NRG3: variants seen among roughly 807,000 people sequenced by gnomAD.
NRG3 encodes neuregulin 3, also known as pro-neuregulin-3, membrane-bound isoform.
A neutral mutation model predicts 66.9 loss-of-function variants in NRG3; 31 were observed. The observed-to-expected ratio is 0.46, with a 90% confidence interval of 0.35 to 0.63. NRG3 has a LOEUF of 0.63. Among genes scored for constraint, NRG3 ranks in the 20% least tolerant of loss-of-function variants. The pLI is 0.00. For missense variants in NRG3, 910 were observed against 878.9 expected, an observed-to-expected ratio of 1.04 and a Z score of -0.45; for synonymous variants, 393 against 359.4, an observed-to-expected ratio of 1.09 and a Z score of -1.06.
At chr10:82,434,426 C>T (rs953424393) in intron 2 of NRG3, among the ~76,000 whole-genome samples, 7 of 151,888 alleles carry the variant, frequency 4.6e-5, no homozygotes, top group South Asian at 4.1e-4. Flanking sequence ...TGTTCCTATT[C>T]GAATACTCTT....
chr10:82,551,577 C>G (rs2044307058), intron 2 of NRG3, among the ~76,000 whole-genome samples: 1 of 149,172 alleles, frequency 6.7e-6, no homozygotes, highest in Admixed American at 6.8e-5. Context: ...GTATCAAGGT[C>G]TAAGTTTTTA....
chr10:82,538,415 A>G (rs1406142320), intron 2 of NRG3, among the ~76,000 whole-genome samples: 2 of 152,180 alleles, frequency 1.3e-5, no homozygotes, highest in Non-Finnish European at 2.9e-5. Context: ...ACAAAACAAA[A>G]CAAAACAGCA....
At chr10:81,902,125 T>C (rs1844138034) in intron 1 of NRG3, among the ~76,000 whole-genome samples, 1 of 152,218 alleles carries the variant, frequency 6.6e-6, no homozygotes, top group Non-Finnish European at 1.5e-5. Context: ...CTCATTGTTC[T>C]CTCTATAATT....
intron 1 of NRG3, among the ~76,000 whole-genome samples, chr10:82,139,863 A>G (rs146700633): frequency 6.6e-6 from 1 of 151,988 alleles, no homozygotes; most frequent in Admixed American, 6.6e-5. Context: ...GGCAGTGTAC[A>G]ACTATCAGAA....
At chr10:82,594,671 T>C (rs537185915) in intron 2 of NRG3, among the ~76,000 whole-genome samples, 2 of 152,318 alleles carry the variant, frequency 1.3e-5, no homozygotes, top group South Asian at 4.1e-4. Flanking sequence ...TACAATTATT[T>C]CCTACATCTA....
intron 2 of NRG3, among the ~76,000 whole-genome samples, chr10:82,684,654 T>C (rs2054368800): frequency 6.6e-6 from 1 of 152,174 alleles, no homozygotes; most frequent in Non-Finnish European, 1.5e-5. Flanking sequence ...AACTCTTGAA[T>C]ATATTCTTTG....
intron 4 of NRG3, among the ~76,000 whole-genome samples, chr10:82,927,655 C>T (rs1164789308): frequency 1.3e-5 from 2 of 152,184 alleles, no homozygotes; most frequent in African/African-American, 4.8e-5. Flanking sequence ...CATCCATGTC[C>T]CTGCAAAGGA....
chr10:82,357,076 C>T (rs977076756), intron 1 of NRG3, among the ~76,000 whole-genome samples: 1 of 152,174 alleles, frequency 6.6e-6, no homozygotes, highest in Non-Finnish European at 1.5e-5. Flanking sequence ...AAGATGAGAT[C>T]ATCTAAGTTC....
chr10:82,056,962 C>A (rs2063873653), intron 1 of NRG3, among the ~76,000 whole-genome samples: 2 of 152,124 alleles, frequency 1.3e-5, no homozygotes, highest in Admixed American at 6.5e-5. Context: ...GAATTCACAA[C>A]CTTCTGATTC....
chr10:82,721,361 ATCT>A (rs1414156265), intron 2 of NRG3, among the ~76,000 whole-genome samples: 1 of 150,274 alleles, frequency 6.7e-6, no homozygotes, highest in Non-Finnish European at 1.5e-5. Context: ...GATTGTCTCG[ATCT>A]TCTGACCTCG....
intron 2 of NRG3, among the ~76,000 whole-genome samples, chr10:82,420,125 G>T (rs557804253): frequency 6.6e-6 from 1 of 152,110 alleles, no homozygotes; most frequent in Admixed American, 6.6e-5. Flanking sequence ...ATATCTGGCT[G>T]CAGTTGGCCT....
chr10:82,455,197 ATTAT>A (rs1453201690), intron 2 of NRG3, among the ~76,000 whole-genome samples: 1 of 152,226 alleles, frequency 6.6e-6, no homozygotes, highest in African/African-American at 2.4e-5. Context: ...ATAGTCATAC[ATTAT>A]TTAATGATGG....
At chr10:82,581,781 ACTT>A (rs1565094096) in intron 2 of NRG3, among the ~76,000 whole-genome samples, 2 of 151,876 alleles carry the variant, frequency 1.3e-5, no homozygotes, top group African/African-American at 4.8e-5. Flanking sequence ...TTTGGAAAAA[ACTT>A]CTTCCCAAAC....
intron 1 of NRG3, among the ~76,000 whole-genome samples, chr10:81,933,158 C>T (rs1254235548): frequency 1.3e-5 from 2 of 150,230 alleles, no homozygotes; most frequent in African/African-American, 4.9e-5. Flanking sequence ...TCTTTCTGAT[C>T]ACATATGACT....
intron 1 of NRG3, among the ~76,000 whole-genome samples, chr10:81,964,521 ACGTTGAGATTGT>A (rs2059657855): frequency 6.6e-6 from 1 of 152,192 alleles, no homozygotes; most frequent in Non-Finnish European, 1.5e-5. Context: ...CTACAGATGA[ACGTTGAGATTGT>A]TTCCAGATTT....
chr10:82,389,469 T>C (rs1024419396), intron 2 of NRG3, among the ~76,000 whole-genome samples: 1 of 152,194 alleles, frequency 6.6e-6, no homozygotes, highest in Non-Finnish European at 1.5e-5. Flanking sequence ...TCTCATTTAT[T>C]CTTCAGAGAA....
intron 2 of NRG3, among the ~76,000 whole-genome samples, chr10:82,492,394 T>G (rs1843230084): frequency 1.3e-5 from 2 of 152,254 alleles, no homozygotes; most frequent in Non-Finnish European, 2.9e-5. Flanking sequence ...ATTATTTCTT[T>G]CATTTAAATG....
intron 1 of NRG3, among the ~76,000 whole-genome samples, chr10:82,047,502 G>A (rs960864197): frequency 2.6e-5 from 4 of 151,884 alleles, no homozygotes; most frequent in Non-Finnish European, 5.9e-5. Flanking sequence ...GCCAAACTAA[G>A]CTTCATAAGC....
At chr10:82,225,490 G>A (rs1475095404) in intron 1 of NRG3, 2 of 152,116 alleles carry the variant, frequency 1.3e-5, no homozygotes, top group Non-Finnish European at 2.9e-5. Context: ...ACCAAGCCAG[G>A]GCACAGGTTT....
Sources: allele counts gnomAD v4.1 joint callset (sites outside exome capture counted in the v4.1 genomes callset), GRCh38; gene constraint gnomAD v4.1.1; transcripts MANE v1.5; gene names NCBI Gene and HGNC (gene_info 2026-07-23, HGNC 2026-07-21).